MYO18B: variants seen among roughly 807,000 people sequenced by gnomAD.
MYO18B encodes myosin XVIIIB.
A neutral mutation model predicts 273.0 loss-of-function variants in MYO18B; 204 were observed. The observed-to-expected ratio is 0.75, with a 90% confidence interval of 0.67 to 0.84. MYO18B has a LOEUF of 0.84. MYO18B is among the 40% of genes least tolerant of loss of function. The pLI, the probability that MYO18B is intolerant of heterozygous loss-of-function variation, is 0.00. For missense variants in MYO18B, 3,212 were observed against 3,287.6 expected, an observed-to-expected ratio of 0.98 and a Z score of 0.56; for synonymous variants, 1,330 against 1,305.7, an observed-to-expected ratio of 1.02 and a Z score of -0.40.
chr22:26,036,195 G>A, the MYO18B span, among the ~76,000 whole-genome samples: 393 of 152,324 alleles, frequency 2.6e-3, 8 homozygotes, highest in Non-Finnish European at 4.9e-4. Flanking sequence ...TCTTCAGAAG[G>A]TGATGGACAG....
chr22:25,845,261 G>C (rs2090201135), intron 18 of MYO18B, among the ~76,000 whole-genome samples: 1 of 152,224 alleles, frequency 6.6e-6, no homozygotes, highest in South Asian at 2.1e-4. Flanking sequence ...GCTCACGCCT[G>C]TAATCCTGGC....
At chr22:25,772,956 A>G (rs3859869) in intron 7 of MYO18B, among the ~76,000 whole-genome samples, 131,634 of 152,162 alleles carry the variant, frequency 0.87, 57,606 homozygotes, top group Non-Finnish European at 0.93. Context: ...AAAACCCAGG[A>G]TACAGGGCTC....
chr22:25,892,186 A>T, intron 27 of MYO18B: 1 of 152,236 alleles, frequency 6.6e-6, no homozygotes, highest in Admixed American at 6.5e-5. Context: ...GTTTAGCCAC[A>T]TGTATAGAAT....
At chr22:26,003,134 C>A in intron 40 of MYO18B, 131 bp from the exon 41 acceptor site, 1 of 796,328 alleles carries the variant, frequency 1.3e-6, no homozygotes, top group South Asian at 1.5e-5. Flanking sequence ...AGGCAAGTGA[C>A]TTCCCTGAGA....
intron 36 of MYO18B, 111 bp downstream of exon 36, chr22:25,947,939 G>A (rs1302404779): frequency 5.4e-6 from 4 of 746,350 alleles, no homozygotes; most frequent in Non-Finnish European, 9.3e-6. Context: ...CATCTTGGAG[G>A]GATAAGTGCA....
At chr22:25,879,455 C>T (rs1423291571) in intron 25 of MYO18B, among the ~76,000 whole-genome samples, 2 of 152,176 alleles carry the variant, frequency 1.3e-5, no homozygotes, top group Non-Finnish European at 2.9e-5. Context: ...ACACCAAATT[C>T]AGAGTAGGGG....
At chr22:25,918,424 A>T (rs1004002470) in intron 33 of MYO18B, among the ~76,000 whole-genome samples, 5 of 152,230 alleles carry the variant, frequency 3.3e-5, no homozygotes, top group African/African-American at 1.2e-4. Flanking sequence ...TTAGTTAATT[A>T]TTCACCATCT....
rs760806427 is a variant in MYO18B, at chr22:25,832,882, A to G, written c.2980-35A>G. On this transcript the variant is annotated intron_variant, in intron 15 of 43. Coordinates refer to ENST00000335473, the MANE Select transcript of MYO18B (RefSeq NM_032608.7). Reference sequence around the variant, plus strand: ...AGTTTTCTTCCCCCTTCAGCTCGCTAAAAGTGCTAACTTTTAAATCCTGTT... The same window carrying G: ...AGTTTTCTTCCCCCTTCAGCTCGCTGAAAGTGCTAACTTTTAAATCCTGTT... The G allele has an allele frequency of 3.1e-6, 5 of 1,590,380 alleles. No individual in the cohort carries two copies. In the African/African-American group the frequency reaches 4.0e-5, roughly 13 times the overall value.
chr22:25,827,981 A>G (rs1295903189), intron 14 of MYO18B, among the ~76,000 whole-genome samples: 1 of 152,204 alleles, frequency 6.6e-6, no homozygotes, highest in African/African-American at 2.4e-5. Flanking sequence ...CCCATTTTAT[A>G]GTTGGAAAAC....
chr22:25,799,466 T>C (rs1291043460), intron 12 of MYO18B, among the ~76,000 whole-genome samples: 1 of 152,104 alleles, frequency 6.6e-6, no homozygotes, highest in Non-Finnish European at 1.5e-5. Context: ...TGTATTATGA[T>C]TGTGACTTTG....
In MYO18B at chr22:25,843,721, A is replaced by G. The variant is rs1172176548; in HGVS notation, c.3209-14A>G. ...AACAGGCTCCAGCACTCATGCCACCATGTCTGTTTCCAGGGTCCTCTGCCC... is the reference window on the plus strand; with the variant it reads ...AACAGGCTCCAGCACTCATGCCACCGTGTCTGTTTCCAGGGTCCTCTGCCC... On this transcript the variant is annotated splice_polypyrimidine_tract_variant and intron_variant, in intron 17 of 43. Transcript: ENST00000335473. 1.2e-6 allele frequency: 2 copies of G among 1,608,948 alleles called. No homozygotes were observed. The highest frequency in any genetic ancestry group is 1.3e-5 in the African/African-American group (1 of 74,798).
In MYO18B at chr22:25,843,822, C is replaced by G; in HGVS notation, c.3296C>G (p.Thr1099Arg). The G allele has an allele frequency of 6.2e-7, 1 of 1,613,802 alleles. No homozygotes were observed. Among genetic ancestry groups the G allele is most frequent in the Non-Finnish European group, 8.5e-7 (1 of 1,179,714 alleles). Reference protein sequence around the residue: ...LGWDPVRYDLTGWLHRAKPNL... With the variant: ...LGWDPVRYDLRGWLHRAKPNL... ...TGGGACCCTGTGCGGTACGACCTCA[C>G]GGGCTGGCTCCACAGAGCCAAGCCC... The change falls in exon 18 of 44, where the codon ACG becomes AGG. Residue 1099 changes from threonine (T) to arginine (R), a missense_variant. Thr to Arg is a moderately conservative substitution (Grantham distance 71). Transcript: ENST00000335473.
At chr22:26,032,614 C>T (rs560097781), downstream of MYO18B, among the ~76,000 whole-genome samples, 131 of 151,292 alleles carry the variant, frequency 8.7e-4, no homozygotes, top group African/African-American at 3.0e-3. Context: ...CTCTGCCTCC[C>T]GGGTTCAAGC....
the MYO18B span, among the ~76,000 whole-genome samples, chr22:26,055,620 T>C: frequency 6.6e-6 from 1 of 152,214 alleles, no homozygotes; most frequent in Non-Finnish European, 1.5e-5. Context: ...CTCTTTATCT[T>C]TCTGGTTTAT....
chr22:25,753,919 A>G (rs539538420), intron 1 of MYO18B, among the ~76,000 whole-genome samples: 2 of 152,338 alleles, frequency 1.3e-5, no homozygotes, highest in South Asian at 2.1e-4. Context: ...GAACCCGCCA[A>G]TTCCAGACAC....
intron 11 of MYO18B, among the ~76,000 whole-genome samples, chr22:25,797,679 C>T (rs763730601): frequency 1.6e-4 from 25 of 152,158 alleles, no homozygotes; most frequent in Non-Finnish European, 2.6e-4. Flanking sequence ...ACCAGAGCCC[C>T]GCATAGAGCA....
rs759241364 is a variant in MYO18B at position 25,769,221 on chromosome 22, A to G, written c.1305A>G (p.Gly435=). 3.1e-6 allele frequency: 5 copies of G among 1,603,262 alleles called. No homozygotes were observed. In the Admixed American group the frequency reaches 6.9e-5, roughly 22 times the overall value. Residue 435 remains glycine, a synonymous_variant, in exon 4 of 44, where the codon GGA becomes GGG. Transcript: ENST00000335473. ...MVESPAAPGK[G]GWPGSRGQEA... is the part of the protein sequence containing the mutation. ...AGTCGCCAGCAGCTCCTGGGAAGGG[A>G]GGCTGGCCAGGAAGCCGTGGGCAGG...
At chr22:25,751,437 T>C (rs150671660) in intron 1 of MYO18B, among the ~76,000 whole-genome samples, 6 of 152,332 alleles carry the variant, frequency 3.9e-5, no homozygotes, top group Non-Finnish European at 7.4e-5. Flanking sequence ...GCCAGCTTCC[T>C]AGGCTTCCAC....
chr22:25,832,438 C>T (rs2145934879), intron 15 of MYO18B, among the ~76,000 whole-genome samples: 1 of 152,198 alleles, frequency 6.6e-6, no homozygotes, highest in African/African-American at 2.4e-5. Flanking sequence ...TATTATTCAG[C>T]CTTCAAAAGG....
Sources: allele counts gnomAD v4.1 joint callset (sites outside exome capture counted in the v4.1 genomes callset), GRCh38; gene constraint gnomAD v4.1.1; transcripts MANE v1.5; gene names NCBI Gene and HGNC (gene_info 2026-07-23, HGNC 2026-07-21).